Variants in TUSC3 observed in about 807,000 individuals in gnomAD.
TUSC3 encodes tumor suppressor candidate 3.
In TUSC3, 45 loss-of-function variants were observed where a neutral mutation model predicts 44.8. The ratio of observed to expected loss-of-function variants is 1.00; its 90% CI spans 0.79 to 1.29. The LOEUF is 1.29. TUSC3 is among the 50% of genes most tolerant of loss of function. The probability of loss-of-function intolerance (pLI) is 0.00; values close to 1 mark genes in which losing one functional copy is unlikely to be tolerated. For synonymous variants in TUSC3, 212 were observed against 152.9 expected, an observed-to-expected ratio of 1.39 and a Z score of -2.85; for missense variants, 519 against 437.9, an observed-to-expected ratio of 1.19 and a Z score of -1.65.
intron 6 of TUSC3, among the ~76,000 whole-genome samples, chr8:15,725,748 A>G (rs1177654373): frequency 2.6e-5 from 4 of 152,208 alleles, no homozygotes; most frequent in Admixed American, 6.5e-5. Context: ...TTTGAAGTTT[A>G]GAGTAATTTG....
At chr8:15,642,976 T>C (rs925968505) in intron 2 of TUSC3, among the ~76,000 whole-genome samples, 5 of 152,224 alleles carry the variant, frequency 3.3e-5, no homozygotes, top group African/African-American at 1.2e-4. Context: ...ATGATACGGC[T>C]TGACTGTGTC....
the TUSC3 span, among the ~76,000 whole-genome samples, chr8:15,788,913 G>C: frequency 1.3e-5 from 2 of 152,158 alleles, no homozygotes; most frequent in African/African-American, 4.8e-5. Flanking sequence ...TGGGGTACAA[G>C]ATGAGTCTCA....
At chr8:15,604,643 T>C in intron 1 of TUSC3, among the ~76,000 whole-genome samples, 1 of 151,806 alleles carries the variant, frequency 6.6e-6, no homozygotes, top group East Asian at 1.9e-4. Flanking sequence ...GAATTAATTG[T>C]TTTCTAGTTA....
At chr8:15,745,233 A>AT (rs989119051) in intron 8 of TUSC3, among the ~76,000 whole-genome samples, 5 of 151,856 alleles carry the variant, frequency 3.3e-5, no homozygotes, top group Non-Finnish European at 5.9e-5. Flanking sequence ...GGTTGATTTC[A>AT]TTTTTTTGCT....
intron 1 of TUSC3, among the ~76,000 whole-genome samples, chr8:15,566,782 A>T (rs1278706338): frequency 6.6e-6 from 1 of 151,958 alleles, no homozygotes; most frequent in Non-Finnish European, 1.5e-5. Context: ...TGTCATCATG[A>T]CTGGTTAATT....
intron 6 of TUSC3, among the ~76,000 whole-genome samples, chr8:15,727,784 C>G (rs1211151204): frequency 2.0e-5 from 3 of 152,168 alleles, no homozygotes; most frequent in African/African-American, 7.2e-5. Flanking sequence ...GAAGTGGAAA[C>G]TATGAAATGA....
intron 2 of TUSC3, among the ~76,000 whole-genome samples, chr8:15,534,305 A>G (rs529000586): frequency 1.3e-5 from 2 of 152,298 alleles, no homozygotes; most frequent in African/African-American, 4.8e-5. Context: ...ATTTAGGTTT[A>G]TACAAAACTA....
In TUSC3 at chr8:15,601,063, G is replaced by A. The variant is rs181273459; in HGVS notation, c.139-22017G>A. Among the ~76,000 whole-genome samples, 500 of 151,740 alleles carry A rather than the reference G, an allele frequency of 3.3e-3. 3 individuals carry two copies. Among genetic ancestry groups the A allele is most frequent in the Non-Finnish European group, 4.9e-3 (334 of 67,726 alleles). On this transcript the variant is annotated intron_variant, in intron 1 of 10. Transcript: ENST00000503731. ...GTGCAAGCTATAACACTAGAGAACT[G>A]TAAAATATGAATTAACTTTGTTAAA...
chr8:15,448,363 C>G (rs1417119294), intron 1 of TUSC3, among the ~76,000 whole-genome samples: 1 of 151,932 alleles, frequency 6.6e-6, no homozygotes, highest in African/African-American at 2.4e-5. Flanking sequence ...AGGCAATCCA[C>G]CCGCCTTGGC....
intron 2 of TUSC3, among the ~76,000 whole-genome samples, chr8:15,517,224 A>G (rs1327642967): frequency 6.6e-6 from 1 of 152,168 alleles, no homozygotes. Flanking sequence ...AATGTTATAG[A>G]TGGAGAAACT....
chr8:15,693,037 C>T (rs939156312), intron 6 of TUSC3, among the ~76,000 whole-genome samples: 15 of 152,300 alleles, frequency 9.8e-5, no homozygotes, highest in African/African-American at 3.6e-4. Flanking sequence ...TCACATTGAG[C>T]CTATGGATGT....
chr8:15,494,087 C>CTATA (rs1219662153), intron 2 of TUSC3, among the ~76,000 whole-genome samples: 37 of 152,322 alleles, frequency 2.4e-4, no homozygotes, highest in African/African-American at 8.9e-4. Flanking sequence ...CAGCCTGCTG[C>CTATA]TATACCAGCT....
chr8:15,431,456 C>T (rs577492648), intron 1 of TUSC3, among the ~76,000 whole-genome samples: 27 of 151,636 alleles, frequency 1.8e-4, no homozygotes, highest in Non-Finnish European at 2.8e-4. Flanking sequence ...GCGTTGTTTT[C>T]ATAATTTCCT....
At position 15,645,055 on chromosome 8, in the gene TUSC3, T is replaced by A. The variant is rs199502051; in HGVS notation, c.309-5642T>A. On this transcript the variant is annotated intron_variant, in intron 2 of 10. Coordinates refer to ENST00000503731, the MANE Select transcript of TUSC3 (RefSeq NM_006765.4). ...CTTCATTTACATAATATTTTAATAG[T>A]CTCATATGTTTTCCCAGCCAGACCA... 7.2e-5 allele frequency among the ~76,000 whole-genome samples: 11 copies of A among 152,250 alleles called. No homozygotes were observed. In the East Asian group the frequency reaches 1.9e-3, roughly 27 times the overall value.
chr8:15,438,674 C>T (rs1799982084), intron 1 of TUSC3, among the ~76,000 whole-genome samples: 1 of 152,174 alleles, frequency 6.6e-6, no homozygotes, highest in South Asian at 2.1e-4. Context: ...GAATGCTGAC[C>T]TTGTGCCAGG....
At chr8:15,441,198 G>C (rs1800016496) in intron 1 of TUSC3, among the ~76,000 whole-genome samples, 1 of 152,224 alleles carries the variant, frequency 6.6e-6, no homozygotes, top group Admixed American at 6.5e-5. Flanking sequence ...CCACAGGTCA[G>C]AAGTTCAAAA....
At chr8:15,823,706 T>G in the TUSC3 span, among the ~76,000 whole-genome samples, 1 of 152,208 alleles carries the variant, frequency 6.6e-6, no homozygotes, top group African/African-American at 2.4e-5. Context: ...CCCTGTTATT[T>G]ACAAAGGAGT....
chr8:15,661,171 G>A (rs570933108), intron 4 of TUSC3, among the ~76,000 whole-genome samples: 2 of 152,046 alleles, frequency 1.3e-5, no homozygotes, highest in South Asian at 4.1e-4. Flanking sequence ...AATAAGCAAA[G>A]CAGTTATCAA....
At chr8:15,523,156 C>G (rs981270433) in intron 2 of TUSC3, among the ~76,000 whole-genome samples, 1 of 152,158 alleles carries the variant, frequency 6.6e-6, no homozygotes, top group Non-Finnish European at 1.5e-5. Flanking sequence ...GTTCTCCTCT[C>G]CTAATGGTCA....
Sources: allele counts gnomAD v4.1 joint callset (sites outside exome capture counted in the v4.1 genomes callset), GRCh38; gene constraint gnomAD v4.1.1; transcripts MANE v1.5; gene names NCBI Gene and HGNC (gene_info 2026-07-23, HGNC 2026-07-21).